ZNF280B: variants seen among roughly 807,000 people sequenced by gnomAD.
ZNF280B encodes suppressor of hairy wing homolog 2.
In ZNF280B, 16 loss-of-function variants were observed where a neutral mutation model predicts 38.0. The observed-to-expected ratio is 0.42, with a 90% confidence interval of 0.28 to 0.64. The LOEUF is 0.64. ZNF280B is among the 30% of genes least tolerant of loss of function. The probability of loss-of-function intolerance (pLI) is 0.21; values close to 1 mark genes in which losing one functional copy is unlikely to be tolerated. For missense variants in ZNF280B, 581 were observed against 639.6 expected (o/e 0.91, Z 0.99); for synonymous variants, 253 against 230.6 (o/e 1.10, Z -0.88).
At chr22:22,493,831 C>T (rs1055438078) in intron 3 of ZNF280B, among the ~76,000 whole-genome samples, 6 of 151,894 alleles carry the variant, frequency 4.0e-5, no homozygotes, top group Admixed American at 1.3e-4. Context: ...TATCCCTAAG[C>T]GTTAAATGAT....
chr22:22,485,259 C>T lies in ZNF280B; in HGVS notation c.*2508G>A, dbSNP rs2061489225. 2 of 152,034 alleles carry T rather than the reference C, an allele frequency of 1.3e-5. No homozygotes were observed. Among genetic ancestry groups the T allele is most frequent in the South Asian group, 4.2e-4 (2 of 4,814 alleles). The allele number at this position is 152,034 out of a possible 1,614,324, so 9.4% of individuals were successfully genotyped here. ...TAATACCAACCAATCACTCAACATA[C>T]AACTAAAACACTTCATATTTTTACC... is the stretch of plus-strand genomic sequence containing the variant. On this transcript the variant is annotated 3_prime_UTR_variant, in exon 4 of 4. Coordinates refer to ENST00000626650, the MANE Select transcript of ZNF280B (RefSeq NM_080764.4).
In ZNF280B at chr22:22,488,249, T is replaced by C. The variant is rs2061529167; in HGVS notation, c.1150A>G (p.Thr384Ala). The change falls in exon 4 of 4, where the codon ACA (threonine) becomes GCA (alanine). Residue 384 changes from threonine (T) to alanine (A), a missense_variant. By Grantham distance (58) the Thr-to-Ala change is moderately conservative. Coordinates refer to ENST00000626650, the MANE Select transcript of ZNF280B (RefSeq NM_080764.4). Reference sequence around the variant, plus strand: ...ATGTGTTGTAAGAGGACCTGATCTGTTTCAAATGACAATTCACAGATTTTA... The same window carrying C: ...ATGTGTTGTAAGAGGACCTGATCTGCTTCAAATGACAATTCACAGATTTTA... ...VCKICELSFETDQVLLQHMKD... is the reference protein window; with the variant it reads ...VCKICELSFEADQVLLQHMKD... 6.2e-7 allele frequency: 1 copy of C among 1,613,866 alleles called. No individual in the cohort carries two copies.
chr22:22,506,314 T>TA (rs577004824), intron 2 of ZNF280B, among the ~76,000 whole-genome samples: 7,313 of 145,994 alleles, frequency 0.05, 401 homozygotes, highest in African/African-American at 0.14. Context: ...TAAAGGAAAT[T>TA]AAAAAAAAAA....
intron 2 of ZNF280B, among the ~76,000 whole-genome samples, chr22:22,505,867 C>T (rs1414613240): frequency 6.6e-6 from 1 of 151,968 alleles, no homozygotes; most frequent in Non-Finnish European, 1.5e-5. Flanking sequence ...AATATGATCT[C>T]ACTCATTTCA....
chr22:22,492,289 A>T (rs2146777527), intron 3 of ZNF280B, among the ~76,000 whole-genome samples: 1 of 152,050 alleles, frequency 6.6e-6, no homozygotes, highest in South Asian at 2.1e-4. Flanking sequence ...TACAACTTCA[A>T]TCGCCTAACT....
At position 22,500,371 on chromosome 22, in the gene ZNF280B, A is replaced by C. The variant is rs967434353; in HGVS notation, c.-186-6191T>G. ...AAAATGAATAAACAAAATATTATATATATATATATGCACACACACACAATA... is the reference window on the plus strand; with the variant it reads ...AAAATGAATAAACAAAATATTATATCTATATATATGCACACACACACAATA... On this transcript the variant is annotated intron_variant, in intron 2 of 3. Coordinates refer to ENST00000626650, the MANE Select transcript of ZNF280B (RefSeq NM_080764.4). 5.9e-5 allele frequency among the ~76,000 whole-genome samples: 9 copies of C among 151,898 alleles called. No individual in the cohort carries two copies. In the East Asian group the frequency reaches 1.8e-3, roughly 30 times the overall value.
chr22:22,506,555 T>C (rs1432578063), intron 2 of ZNF280B, among the ~76,000 whole-genome samples: 2 of 151,740 alleles, frequency 1.3e-5, no homozygotes, highest in Non-Finnish European at 2.9e-5. Context: ...CGGACAACTC[T>C]GGAGAAATTT....
Position 22,488,368 on chromosome 22 carries a change from G to A in ZNF280B, c.1031C>T (p.Thr344Ile), listed in dbSNP as rs551344228. The A allele has an allele frequency of 2.5e-6, 4 of 1,613,766 alleles. No homozygotes were observed. Among genetic ancestry groups the A allele is most frequent in the Non-Finnish European group, 3.4e-6 (4 of 1,179,984 alleles). Residue 344 changes from threonine (T) to isoleucine (I), a missense_variant, in exon 4 of 4, where the codon ACC becomes ATC. Coordinates refer to ENST00000626650, the MANE Select transcript of ZNF280B (RefSeq NM_080764.4). ...QRNDSWENHT[T>I]CQHCHRQFPT... Reference sequence around the variant, plus strand: ...AAACTGCCGGTGGCAGTGCTGGCAGGTGGTGTGGTTTTCCCAGCTGTCGTT... The same window carrying A: ...AAACTGCCGGTGGCAGTGCTGGCAGATGGTGTGGTTTTCCCAGCTGTCGTT...
At chr22:22,491,330 C>A (rs1198657144) in intron 3 of ZNF280B, among the ~76,000 whole-genome samples, 1 of 150,600 alleles carries the variant, frequency 6.6e-6, no homozygotes, top group Admixed American at 6.6e-5. Context: ...TTGACCACAA[C>A]CAATAGTTTA....
At position 22,488,611 on chromosome 22, in the gene ZNF280B, T is replaced by C; in HGVS notation, c.788A>G (p.Asp263Gly). The change falls in exon 4 of 4, where the codon GAC (aspartate) becomes GGC (glycine). Residue 263 changes from aspartate to glycine, a missense_variant. Transcript: ENST00000626650. ...LDRANELAKT[D>G]ILSLTSQNKT... ...GTTTTGACTTGTTAGACTCAAAATG[T>C]CTGTTTTTGCCAATTCATTTGCCCT... The C allele has an allele frequency of 6.2e-7, 1 of 1,613,888 alleles. No homozygotes were observed.
chr22:22,487,639 A>C lies in ZNF280B; in HGVS notation c.*128T>G. ...ATATATATCCTGAATCTTGTTTAAA[A>C]AGTCATATATAATCCACTAGTTTCA... On this transcript the variant is annotated 3_prime_UTR_variant, in exon 4 of 4. Transcript: ENST00000626650. The C allele has an allele frequency of 1.4e-6, 1 of 700,850 alleles. No homozygotes were observed. The highest frequency in any genetic ancestry group is 4.2e-4 in the Middle Eastern group (1 of 2,408). The allele number at this position is 700,850 out of a possible 1,614,324, so 43.4% of individuals were successfully genotyped here. A position where few individuals can be genotyped will look rare whatever the true frequency, so the allele number is the denominator to read the frequency against.
chr22:22,491,466 T>C (rs1440607361), intron 3 of ZNF280B, among the ~76,000 whole-genome samples: 1 of 146,276 alleles, frequency 6.8e-6, no homozygotes, highest in Non-Finnish European at 1.5e-5. Context: ...TCTTTTTTTT[T>C]TTTTTTTTTT....
At position 22,488,231 on chromosome 22, in the gene ZNF280B, G is replaced by T. The variant is rs375173975; in HGVS notation, c.1168C>A (p.Gln390Lys). Residue 390 changes from glutamine to lysine, a missense_variant, in exon 4 of 4, where the codon CAA becomes AAA. Gln to Lys is a moderately conservative substitution (Grantham distance 53, BLOSUM62 1). Coordinates refer to ENST00000626650, the MANE Select transcript of ZNF280B (RefSeq NM_080764.4). ...GGCTTATGATGGTCCTTCATGTGTT[G>T]TAAGAGGACCTGATCTGTTTCAAAT... Reference protein sequence around the residue: ...LSFETDQVLLQHMKDHHKPGE... With the variant: ...LSFETDQVLLKHMKDHHKPGE... 45 of 1,613,752 alleles carry T rather than the reference G, an allele frequency of 2.8e-5. No individual in the cohort carries two copies. Among genetic ancestry groups the T allele is most frequent in the Non-Finnish European group, 3.6e-5 (43 of 1,179,980 alleles).
rs370571536 is a variant in ZNF280B at position 22,504,720 on chromosome 22, C to T, written c.-187+3090G>A. 4.5e-4 allele frequency among the ~76,000 whole-genome samples: 68 copies of T among 152,052 alleles called. 2 individuals are homozygous for T. In the South Asian group the frequency reaches 5.0e-3, roughly 11 times the overall value. ...ATGTATTCAATCAGTAGAATTAAAACATATCCCAGTCCACAAAAAACTAAG... is the reference window on the plus strand; with the variant it reads ...ATGTATTCAATCAGTAGAATTAAAATATATCCCAGTCCACAAAAAACTAAG... On this transcript the variant is annotated intron_variant, in intron 2 of 3. Transcript: ENST00000626650.
intron 3 of ZNF280B, among the ~76,000 whole-genome samples, chr22:22,493,197 C>T (rs563772738): frequency 5.7e-4 from 86 of 151,818 alleles, no homozygotes; most frequent in African/African-American, 2.0e-3. Flanking sequence ...TTAGTAGAGA[C>T]GGGGTTTCAC....
rs536777650 is a variant in ZNF280B at position 22,495,471 on chromosome 22, T to G, written c.-186-1291A>C. On this transcript the variant is annotated intron_variant, in intron 2 of 3. Transcript: ENST00000626650. ...GGAGGAAGAAAGATAGTAAGTATAA[T>G]AAAAATGCAAATTCTCTGGTGAACT... Among the ~76,000 whole-genome samples the G allele has an allele frequency of 6.6e-5, 10 of 152,028 alleles. No individual in the cohort carries two copies. In the East Asian group the frequency reaches 2.0e-3, roughly 30 times the overall value.
intron 3 of ZNF280B, 100 bp from the exon 4 acceptor site, chr22:22,489,566 G>A (rs746114021): frequency 1.7e-6 from 1 of 583,558 alleles, no homozygotes; most frequent in African/African-American, 1.9e-5. Context: ...TACCCACAAG[G>A]ACACTGAGAC....
In ZNF280B at chr22:22,497,208, TAAAAAAAAAAAAAAAAAAAAAAAAAA is replaced by T. The variant is rs71199486; in HGVS notation, c.-186-3054_-186-3029del. On this transcript the variant is annotated intron_variant, in intron 2 of 3. Transcript: ENST00000626650. ...TGAGCAGAATCTTGGTCTCCATCTT[TAAAAAAAAAAAAAAAAAAAAAAAAAA>T]AAAAAAAAAAAAAAGGCCAGGCACA... Among the ~76,000 whole-genome samples the T allele has an allele frequency of 7.7e-3, 260 of 33,644 alleles. 5 individuals carry two copies. Among genetic ancestry groups the T allele is most frequent in the African/African-American group, 0.023 (242 of 10,530 alleles). 22.1% of individuals were successfully genotyped at this position (33,644 alleles called of 152,430 possible).
At chr22:22,500,336 T>C (rs1470036487) in intron 2 of ZNF280B, among the ~76,000 whole-genome samples, 1 of 151,476 alleles carries the variant, frequency 6.6e-6, no homozygotes, top group African/African-American at 2.4e-5. Context: ...GCAACCCAAA[T>C]GTCTACCCAA....
Sources: gnomAD v4.1 joint callset for allele counts (sites outside exome capture counted in the v4.1 genomes callset) on GRCh38, gnomAD v4.1.1 for gene constraint, MANE v1.5 for transcripts, NCBI Gene and HGNC (gene_info 2026-07-23, HGNC 2026-07-21) for gene names.